Variants in SORCS3 observed in about 807,000 individuals in gnomAD.
SORCS3 encodes the protein sortilin related VPS10 domain containing receptor 3, also known as VPS10 domain-containing receptor SorCS3.
In SORCS3, 57 loss-of-function variants were observed where a neutral mutation model predicts 146.3. The ratio of observed to expected loss-of-function variants is 0.39; its 90% CI spans 0.31 to 0.49. The LOEUF (loss-of-function observed/expected upper bound fraction) is 0.49. Ranked by LOEUF, SORCS3 falls within the 20% of genes least tolerant of loss-of-function variation. The probability of loss-of-function intolerance (pLI) is 0.92; values close to 1 mark genes in which losing one functional copy is unlikely to be tolerated. For missense variants in SORCS3, 1,341 were observed against 1,575.5 expected, an observed-to-expected ratio of 0.85 and a Z score of 2.52; for synonymous variants, 653 against 618.5, an observed-to-expected ratio of 1.06 and a Z score of -0.83.
chr10:105,192,837 T>C (rs1490018400), intron 14 of SORCS3, among the ~76,000 whole-genome samples: 1 of 152,112 alleles, frequency 6.6e-6, no homozygotes, highest in Non-Finnish European at 1.5e-5. Context: ...TGCATAAAAG[T>C]TGGCATAATT....
At chr10:104,786,714 C>T (rs1387926246) in intron 1 of SORCS3, among the ~76,000 whole-genome samples, 1 of 152,068 alleles carries the variant, frequency 6.6e-6, no homozygotes, top group African/African-American at 2.4e-5. Context: ...CATTCGAGAC[C>T]AGGTCCTTGC....
At chr10:104,982,686 G>A (rs1360090591) in intron 4 of SORCS3, among the ~76,000 whole-genome samples, 2 of 152,170 alleles carry the variant, frequency 1.3e-5, no homozygotes, top group African/African-American at 4.8e-5. Context: ...GCTCTTACAG[G>A]TGTCTCATTA....
intron 2 of SORCS3, among the ~76,000 whole-genome samples, chr10:104,901,725 G>A (rs1280274660): frequency 6.6e-5 from 10 of 152,110 alleles, no homozygotes; most frequent in Non-Finnish European, 1.5e-4. Flanking sequence ...TGGCTTTCAG[G>A]CCTTGCTCAT....
intron 1 of SORCS3, among the ~76,000 whole-genome samples, chr10:104,673,430 G>T (rs2133259085): frequency 6.6e-6 from 1 of 151,780 alleles, no homozygotes; most frequent in South Asian, 2.1e-4. Flanking sequence ...GTGTGTGTGT[G>T]TGTGTGTGTG....
chr10:105,232,160 A>G (rs911505986), intron 20 of SORCS3, among the ~76,000 whole-genome samples: 2 of 152,170 alleles, frequency 1.3e-5, no homozygotes, highest in Non-Finnish European at 2.9e-5. Context: ...CAGTAAAACC[A>G]TCTGAGCCTA....
At chr10:104,991,049 T>C (rs1402655668) in intron 4 of SORCS3, among the ~76,000 whole-genome samples, 1 of 152,162 alleles carries the variant, frequency 6.6e-6, no homozygotes, top group African/African-American at 2.4e-5. Context: ...AATCAACTGC[T>C]TGTCTCCACC....
Position 104,978,513 on chromosome 10 carries a change from T to C in SORCS3, c.954+1020T>C, listed in dbSNP as rs531596819. 1.0e-3 allele frequency among the ~76,000 whole-genome samples: 152 copies of C among 152,224 alleles called. 2 individuals are homozygous for C. The highest frequency in any genetic ancestry group is 3.7e-4 in the Non-Finnish European group (25 of 68,040). The stretch of plus-strand genomic sequence containing the variant: ...CCCAGCATAGCTGGCTCTCTTCCAG[T>C]ATTCCCTATCTCTAGCCATTTAATT... On this transcript the variant is annotated intron_variant, in intron 4 of 26. Transcript: ENST00000369701.
At chr10:104,842,170 T>A (rs1398921380) in intron 1 of SORCS3, among the ~76,000 whole-genome samples, 1 of 152,194 alleles carries the variant, frequency 6.6e-6, no homozygotes, top group Non-Finnish European at 1.5e-5. Context: ...AAAGTGGTCA[T>A]GGAGTCCAGT....
chr10:105,023,714 C>G (rs2055210964), intron 4 of SORCS3, among the ~76,000 whole-genome samples: 3 of 151,856 alleles, frequency 2.0e-5, no homozygotes, highest in South Asian at 4.2e-4. Context: ...GTGAGCACAT[C>G]CAAATGATGG....
intron 4 of SORCS3, among the ~76,000 whole-genome samples, chr10:105,013,018 G>A (rs1207003241): frequency 6.6e-6 from 1 of 152,182 alleles, no homozygotes; most frequent in African/African-American, 2.4e-5. Flanking sequence ...CGTTATGATT[G>A]AGGGTGGTTT....
intron 7 of SORCS3, among the ~76,000 whole-genome samples, chr10:105,114,660 A>C (rs1257940562): frequency 6.6e-6 from 1 of 152,028 alleles, no homozygotes; most frequent in Admixed American, 6.6e-5. Context: ...ACCCACAACC[A>C]CTCATGCAAA....
At chr10:104,731,306 A>G (rs1311121968) in intron 1 of SORCS3, among the ~76,000 whole-genome samples, 2 of 152,198 alleles carry the variant, frequency 1.3e-5, no homozygotes, top group Non-Finnish European at 2.9e-5. Context: ...TATCATGGCT[A>G]TCTTTTCGAA....
At chr10:105,080,371 C>T (rs758355714) in intron 5 of SORCS3, among the ~76,000 whole-genome samples, 12 of 152,108 alleles carry the variant, frequency 7.9e-5, no homozygotes, top group Non-Finnish European at 1.2e-4. Context: ...TGAAAAGTAT[C>T]TGTTCATGTC....
intron 2 of SORCS3, among the ~76,000 whole-genome samples, chr10:104,908,386 G>A (rs546881657): frequency 1.7e-4 from 26 of 152,300 alleles, no homozygotes; most frequent in African/African-American, 5.8e-4. Flanking sequence ...TTTCCCTTGA[G>A]GACAATACAA....
intron 1 of SORCS3, among the ~76,000 whole-genome samples, chr10:104,822,284 C>A (rs1410426112): frequency 2.0e-5 from 3 of 152,124 alleles, no homozygotes; most frequent in Non-Finnish European, 4.4e-5. Flanking sequence ...GTCCCTTTAC[C>A]CTTTTCCTTG....
At chr10:105,028,932 G>T (rs766329401) in intron 4 of SORCS3, among the ~76,000 whole-genome samples, 3 of 152,084 alleles carry the variant, frequency 2.0e-5, no homozygotes, top group African/African-American at 4.8e-5. Context: ...TTCTGTAAAG[G>T]ACTGAATAAG....
intron 14 of SORCS3, among the ~76,000 whole-genome samples, chr10:105,189,422 G>T (rs2056499407): frequency 6.6e-6 from 1 of 152,138 alleles, no homozygotes; most frequent in South Asian, 2.1e-4. Flanking sequence ...AGAAGAAACT[G>T]GTAGTGCACA....
chr10:104,764,341 C>T (rs564778192), intron 1 of SORCS3, among the ~76,000 whole-genome samples: 1 of 152,258 alleles, frequency 6.6e-6, no homozygotes, highest in African/African-American at 2.4e-5. Flanking sequence ...GTATTTCTAG[C>T]CAGCTTCCAG....
chr10:105,217,545 G>A (rs1589693186), intron 19 of SORCS3, among the ~76,000 whole-genome samples: 1 of 152,204 alleles, frequency 6.6e-6, no homozygotes, highest in African/African-American at 2.4e-5. Context: ...TGTTGTAAGA[G>A]CCAGAGAAGG....
Sources: gnomAD v4.1 joint callset for allele counts (sites outside exome capture counted in the v4.1 genomes callset) on GRCh38, gnomAD v4.1.1 for gene constraint, MANE v1.5 for transcripts, NCBI Gene and HGNC (gene_info 2026-07-23, HGNC 2026-07-21) for gene names.